AMMECR1: variants seen among roughly 807,000 people sequenced by gnomAD.
AMMECR1 encodes the protein nuclear protein AMMECR1.
Under a neutral mutation model 22.5 loss-of-function variants are expected in AMMECR1, and 3 were observed. The observed-to-expected ratio is 0.13, with a 90% CI of 0.06 to 0.35. The LOEUF (loss-of-function observed/expected upper bound fraction) is 0.35, where lower values mean the gene tolerates loss of function less well. Among genes scored for constraint, AMMECR1 ranks in the 10% least tolerant of loss-of-function variants. The pLI is 1.00. For missense variants in AMMECR1, 235 were observed against 278.7 expected (o/e 0.84, Z 1.12); for synonymous variants, 130 against 116.7 (o/e 1.11, Z -0.74).
intron 1 of AMMECR1, among the ~76,000 whole-genome samples, chrX:110,291,524 TTAA>T (rs1380643441): frequency 9.0e-6 from 1 of 110,826 alleles, no homozygotes; most frequent in Non-Finnish European, 1.9e-5. Context: ...AGACTCTGTC[TTAA>T]TAATAATAAT....
chrX:110,388,369 ATTGTTCAGAGACAAAGG>A (rs2068472493), intron 2 of AMMECR1, among the ~76,000 whole-genome samples: 1 of 111,747 alleles, frequency 8.9e-6, no homozygotes, highest in African/African-American at 3.3e-5. Flanking sequence ...AAATGTGTTC[ATTGTTCAGAGACAAAGG>A]TCTGGTACCT....
At chrX:110,386,726 A>G (rs1442332474) in intron 2 of AMMECR1, among the ~76,000 whole-genome samples, 1 of 111,925 alleles carries the variant, frequency 8.9e-6, no homozygotes, top group Non-Finnish European at 1.9e-5. Context: ...AATGAGATCT[A>G]AAATCACCTG....
Position 110,262,478 on chromosome X carries a change from A to G in AMMECR1, c.584+2011T>C, listed in dbSNP as rs187669040. On this transcript the variant is annotated intron_variant, in intron 2 of 5. Coordinates refer to ENST00000262844, the MANE Select transcript of AMMECR1 (RefSeq NM_015365.3). ...GTAACAAGGTATACAAATGTAGGCAAATTTCCAACTTCAAGTATTTGAACA... is the reference window on the plus strand; with the variant it reads ...GTAACAAGGTATACAAATGTAGGCAGATTTCCAACTTCAAGTATTTGAACA... Among the ~76,000 whole-genome samples, 3 of 112,461 alleles carry G rather than the reference A, an allele frequency of 2.7e-5. No individual in the cohort carries two copies. In the East Asian group the frequency reaches 8.3e-4, roughly 31 times the overall value.
chrX:110,354,202 G>A (rs1342138794), intron 2 of AMMECR1, among the ~76,000 whole-genome samples: 1 of 111,321 alleles, frequency 9.0e-6, no homozygotes. Context: ...CTTAATGGCC[G>A]AAGCAACTTT....
At chrX:110,261,862 G>T (rs2067743319) in intron 2 of AMMECR1, among the ~76,000 whole-genome samples, 1 of 111,320 alleles carries the variant, frequency 9.0e-6, no homozygotes, top group African/African-American at 3.3e-5. Flanking sequence ...GTAGACACAT[G>T]CTCTGGGTTT....
Position 110,247,795 on chromosome X carries a change from G to A in AMMECR1, c.584+16694C>T, listed in dbSNP as rs1041348901. On this transcript the variant is annotated intron_variant, in intron 2 of 5. Transcript: ENST00000262844. Reference sequence around the variant, plus strand: ...TTCATTAATTTCATTATTATTAACAGGCAGTATATGAAAACAAGTTTGAAA... The same window carrying A: ...TTCATTAATTTCATTATTATTAACAAGCAGTATATGAAAACAAGTTTGAAA... 2.7e-5 allele frequency among the ~76,000 whole-genome samples: 3 copies of A among 111,775 alleles called. No homozygotes were observed. In the South Asian group the frequency reaches 1.1e-3, roughly 41 times the overall value.
chrX:110,388,156 C>T (rs994785571), intron 2 of AMMECR1, among the ~76,000 whole-genome samples: 5 of 111,733 alleles, frequency 4.5e-5, no homozygotes, highest in African/African-American at 1.6e-4. Context: ...CGTGAGCCAC[C>T]GCCCAGCCTG....
At chrX:110,243,113 A>G (rs1273912863) in intron 2 of AMMECR1, among the ~76,000 whole-genome samples, 1 of 112,309 alleles carries the variant, frequency 8.9e-6, no homozygotes, top group Non-Finnish European at 1.9e-5. Context: ...TTTTCACTGC[A>G]TTATATGAAT....
Position 110,216,583 on chromosome X carries a change from G to C in AMMECR1, c.634C>G (p.Arg212Gly). ...AGCAGAGACACTGAGCAGAAAAGCC[G>C]TGGCAGCTCATCCCTTGTCATTGGG... Reference protein sequence around the residue: ...FPPMTRDELPRLFCSVSLLTN... With the variant: ...FPPMTRDELPGLFCSVSLLTN... Residue 212 changes from arginine (R) to glycine (G), a missense_variant, in exon 3 of 6, where the codon CGG becomes GGG. Around this residue, in one of 2 missense-constraint regions of AMMECR1, gnomAD observed 111 missense variants for 181.7 expected, o/e 0.61. Coordinates refer to ENST00000262844, the MANE Select transcript of AMMECR1 (RefSeq NM_015365.3). 1 of 1,209,018 alleles carries C rather than the reference G, an allele frequency of 8.3e-7. No homozygotes were observed. Among genetic ancestry groups the C allele is most frequent in the Non-Finnish European group, 1.1e-6 (1 of 893,471 alleles).
In AMMECR1 at chrX:110,264,530, G is replaced by A; in HGVS notation, c.543C>T (p.Ala181=). The A allele has an allele frequency of 8.3e-7, 1 of 1,206,941 alleles. No individual in the cohort carries two copies. The highest frequency in any genetic ancestry group is 1.1e-6 in the Non-Finnish European group (1 of 892,736). Residue 181 remains alanine (A), a synonymous_variant, in exon 2 of 6, where the codon GCC becomes GCT. Coordinates refer to ENST00000262844, the MANE Select transcript of AMMECR1 (RefSeq NM_015365.3). The stretch of plus-strand genomic sequence containing the variant: ...CCCTGAGTCCTGAATGCAAATTCAT[G>A]GCAGAAAAAGTACCTATGCATCCAC... ...RLRGCIGTFS[A]MNLHSGLREY...
At chrX:110,224,984 G>T (rs1378838020) in intron 2 of AMMECR1, 1 of 357,807 alleles carries the variant, frequency 2.8e-6, no homozygotes, top group South Asian at 2.6e-5. Context: ...AAAATCCATA[G>T]AATCCCTTCA....
chrX:110,307,110 T>C (rs984606950), intron 1 of AMMECR1: 8 of 110,001 alleles, frequency 7.3e-5, no homozygotes, highest in African/African-American at 2.7e-4. Context: ...CTGGGCATGA[T>C]GGCAGGTGCC....
intron 2 of AMMECR1, among the ~76,000 whole-genome samples, chrX:110,222,974 C>A (rs2067512222): frequency 9.0e-6 from 1 of 111,723 alleles, no homozygotes; most frequent in African/African-American, 3.3e-5. Context: ...AGCCTCTACT[C>A]TCTATGAGAT....
intron 2 of AMMECR1, among the ~76,000 whole-genome samples, chrX:110,387,309 G>A (rs1381644115): frequency 8.9e-6 from 1 of 112,139 alleles, no homozygotes; most frequent in Non-Finnish European, 1.9e-5. Context: ...GCCACATCTG[G>A]CTTACAGACA....
At position 110,414,105 on chromosome X, in the gene AMMECR1, G is replaced by T. The variant is rs141903198; in HGVS notation, c.-148+12553C>A. On this transcript the variant is annotated intron_variant, in intron 2 of 7. Coordinates refer to the AMMECR1 transcript ENST00000372057. ...CCCTGTGTCTTTCTGCTGCATCCAT[G>T]AGGCAAAATCCTAAGTCTGGATAAA... 6.5e-3 allele frequency among the ~76,000 whole-genome samples: 726 copies of T among 111,704 alleles called. 6 individuals are homozygous for T. Among genetic ancestry groups the T allele is most frequent in the African/African-American group, 0.023 (699 of 30,676 alleles).
At chrX:110,247,807 A>G (rs925611001) in intron 2 of AMMECR1, among the ~76,000 whole-genome samples, 5 of 112,314 alleles carry the variant, frequency 4.5e-5, no homozygotes, top group Non-Finnish European at 7.5e-5. Flanking sequence ...CAGTATATGA[A>G]AACAAGTTTG....
intron 2 of AMMECR1, chrX:110,224,889 T>C: frequency 3.3e-6 from 1 of 304,685 alleles, no homozygotes; most frequent in Non-Finnish European, 6.1e-6. Flanking sequence ...AGAGATTCCA[T>C]AGGCAGCAAC....
At chrX:110,327,947 C>T (rs746006134) in intron 2 of AMMECR1, among the ~76,000 whole-genome samples, 1 of 111,308 alleles carries the variant, frequency 9.0e-6, no homozygotes, top group Admixed American at 9.5e-5. Context: ...GATAACTGAT[C>T]CGGATGGAAA....
At chrX:110,389,452 A>C (rs769907879) in intron 2 of AMMECR1, among the ~76,000 whole-genome samples, 3 of 112,252 alleles carry the variant, frequency 2.7e-5, no homozygotes, top group African/African-American at 9.7e-5. Context: ...GTCTGCCACA[A>C]GTTGGCTTGC....
Sources: gnomAD v4.1 joint callset for allele counts (sites outside exome capture counted in the v4.1 genomes callset) on GRCh38, gnomAD v4.1.1 for gene constraint, gnomAD v4.1.1 regional missense constraint, MANE v1.5 for transcripts, NCBI Gene and HGNC (gene_info 2026-07-23, HGNC 2026-07-21) for gene names.